INTS9: variants seen among roughly 807,000 people sequenced by gnomAD.
INTS9 encodes the protein integrator complex subunit 9.
INTS9 carries 55 observed loss-of-function variants against 79.7 expected under a neutral mutation model. The ratio of observed to expected loss-of-function variants is 0.69; its 90% CI spans 0.56 to 0.86. The LOEUF (loss-of-function observed/expected upper bound fraction) is 0.86. INTS9 is among the 40% of genes least tolerant of loss of function. The pLI is 0.00. For synonymous variants in INTS9, 319 were observed against 325.2 expected, an observed-to-expected ratio of 0.98 and a Z score of 0.20; for missense variants, 721 against 831.5, an observed-to-expected ratio of 0.87 and a Z score of 1.64.
Position 28,768,112 on chromosome 8 carries a change from G to T in INTS9, c.*34C>A. On this transcript the variant is annotated 3_prime_UTR_variant, in exon 17 of 17. Coordinates refer to ENST00000521022, the MANE Select transcript of INTS9 (RefSeq NM_018250.4). Reference sequence around the variant, plus strand: ...TTGTGAGGGCAGCCAGTGAGGGACTGCAGGATTTCAGGGAAGTAGCTCAGA... The same window carrying T: ...TTGTGAGGGCAGCCAGTGAGGGACTTCAGGATTTCAGGGAAGTAGCTCAGA... 1.9e-6 allele frequency: 3 copies of T among 1,608,434 alleles called. No homozygotes were observed. Among genetic ancestry groups the T allele is most frequent in the Non-Finnish European group, 2.6e-6 (3 of 1,175,844 alleles).
chr8:28,811,423 CTT>C (rs34423764), intron 8 of INTS9, among the ~76,000 whole-genome samples: 22 of 144,840 alleles, frequency 1.5e-4, no homozygotes, highest in Admixed American at 6.9e-5. Flanking sequence ...CATACCCGGC[CTT>C]TTTTTTTTTT....
chr8:28,860,481 T>A (rs1250169914), intron 1 of INTS9, among the ~76,000 whole-genome samples: 2 of 152,066 alleles, frequency 1.3e-5, no homozygotes, highest in Non-Finnish European at 2.9e-5. Flanking sequence ...TCTCCTTTTT[T>A]TTTTTTTTCC....
intron 2 of INTS9, among the ~76,000 whole-genome samples, chr8:28,858,095 G>A (rs1808271589): frequency 6.6e-6 from 1 of 152,166 alleles, no homozygotes; most frequent in Admixed American, 6.5e-5. Flanking sequence ...ACATGCAGCT[G>A]GGATTGTCTG....
intron 10 of INTS9, among the ~76,000 whole-genome samples, chr8:28,792,213 C>A (rs1001753501): frequency 2.0e-5 from 3 of 152,050 alleles, no homozygotes; most frequent in African/African-American, 7.2e-5. Context: ...TAACATTACT[C>A]AATAAATAGT....
intron 2 of INTS9, among the ~76,000 whole-genome samples, chr8:28,858,916 T>C (rs992729845): frequency 1.3e-5 from 2 of 152,246 alleles, no homozygotes; most frequent in Admixed American, 1.3e-4. Context: ...AGGCAAAGTC[T>C]TATTTAAGCA....
chr8:28,888,208 T>C (rs1810263368), intron 1 of INTS9, among the ~76,000 whole-genome samples: 1 of 152,182 alleles, frequency 6.6e-6, no homozygotes, highest in Admixed American at 6.5e-5. Context: ...CTCTGTTCTC[T>C]GAATTCCCAA....
chr8:28,830,585 A>G (rs1338097252), intron 6 of INTS9, among the ~76,000 whole-genome samples: 2 of 151,506 alleles, frequency 1.3e-5, no homozygotes, highest in Non-Finnish European at 2.9e-5. Context: ...ACATCGCATC[A>G]CTGTACTGCA....
chr8:28,860,905 C>G (rs1275664933), intron 1 of INTS9, among the ~76,000 whole-genome samples: 1 of 152,216 alleles, frequency 6.6e-6, no homozygotes, highest in African/African-American at 2.4e-5. Flanking sequence ...TTGGTTCTAT[C>G]TTTGTAGTGG....
At chr8:28,815,953 T>C (rs193084936) in intron 6 of INTS9, among the ~76,000 whole-genome samples, 2 of 152,184 alleles carry the variant, frequency 1.3e-5, no homozygotes, top group South Asian at 2.1e-4. Flanking sequence ...ATATTTAGAC[T>C]ACAAGCAAAC....
intron 1 of INTS9, among the ~76,000 whole-genome samples, chr8:28,860,539 T>G (rs1022131810): frequency 2.6e-4 from 39 of 151,698 alleles, no homozygotes; most frequent in African/African-American, 8.5e-4. Context: ...TGCAGTGGTG[T>G]GATCTCAGCT....
intron 1 of INTS9, among the ~76,000 whole-genome samples, chr8:28,866,564 T>C (rs1282998822): frequency 6.6e-6 from 1 of 152,224 alleles, no homozygotes; most frequent in African/African-American, 2.4e-5. Context: ...GTACTAGTAC[T>C]GTATACAGTC....
chr8:28,837,825 A>G (rs768737569), intron 4 of INTS9, 49 bp from the exon 5 acceptor site: 6 of 1,531,884 alleles, frequency 3.9e-6, no homozygotes, highest in Non-Finnish European at 5.3e-6. Context: ...GGATCGATCA[A>G]TATGATGTGA....
chr8:28,884,139 C>T (rs1423937821), intron 1 of INTS9, among the ~76,000 whole-genome samples: 1 of 133,706 alleles, frequency 7.5e-6, no homozygotes, highest in East Asian at 2.4e-4. Flanking sequence ...AATTCAACTA[C>T]TACTACCAAA....
chr8:28,862,126 C>T (rs1808495935), intron 1 of INTS9: 1 of 985,316 alleles, frequency 1.0e-6, no homozygotes, highest in Admixed American at 6.1e-5. Flanking sequence ...GGGCCCAGAC[C>T]CTGTGGCCTC....
chr8:28,838,484 T>C (rs1196793685), intron 4 of INTS9, among the ~76,000 whole-genome samples: 1 of 152,118 alleles, frequency 6.6e-6, no homozygotes, highest in African/African-American at 2.4e-5. Flanking sequence ...ACTCCTAAAA[T>C]TTTTCCATAT....
At position 28,796,271 on chromosome 8, in the gene INTS9, C is replaced by G. The variant is rs115517833; in HGVS notation, c.856+273G>C. Among the ~76,000 whole-genome samples, 879 of 152,322 alleles carry G rather than the reference C, an allele frequency of 5.8e-3. 7 individuals carry two copies. The highest frequency in any genetic ancestry group is 0.02 in the African/African-American group (851 of 41,578). On this transcript the variant is annotated intron_variant, in intron 9 of 16. Transcript: ENST00000521022. ...GTTGCAGTAACCCAAGATTATGCCA[C>G]TGCACTCAAGCCTGGGTGACAGAGA...
At chr8:28,786,996 C>T (rs1439311092) in intron 11 of INTS9, among the ~76,000 whole-genome samples, 9 of 152,016 alleles carry the variant, frequency 5.9e-5, no homozygotes, top group Non-Finnish European at 1.2e-4. Flanking sequence ...GGATTACAGG[C>T]GTGAGCCACC....
At chr8:28,812,798 C>T (rs761382542) in intron 7 of INTS9, among the ~76,000 whole-genome samples, 1 of 152,156 alleles carries the variant, frequency 6.6e-6, no homozygotes, top group Non-Finnish European at 1.5e-5. Context: ...CTGCAGTGAG[C>T]CATGTTTGTA....
At position 28,780,872 on chromosome 8, in the gene INTS9, G is replaced by T; in HGVS notation, c.1221C>A (p.His407Gln). ...HPSLRFGDVV[H>Q]FMELWGKSSL... ...TAGATTTTCCCCAGAGCTCCATGAA[G>T]TGGACCACGTCCCCGAAGCGGAGGG... Residue 407 changes from histidine to glutamine, a missense_variant, in exon 12 of 17, where the codon CAC (histidine) becomes CAA (glutamine). His to Gln is a conservative substitution (Grantham distance 24). Coordinates refer to ENST00000521022, the MANE Select transcript of INTS9 (RefSeq NM_018250.4). 1 of 1,613,652 alleles carries T rather than the reference G, an allele frequency of 6.2e-7. No individual in the cohort carries two copies. The highest frequency in any genetic ancestry group is 1.1e-5 in the South Asian group (1 of 91,060).
Sources: gnomAD v4.1 joint callset for allele counts (sites outside exome capture counted in the v4.1 genomes callset) on GRCh38, gnomAD v4.1.1 for gene constraint, MANE v1.5 for transcripts, NCBI Gene and HGNC (gene_info 2026-07-23, HGNC 2026-07-21) for gene names.